The following ASB6 variants were observed in gnomAD, a reference collection of about 807,000 sequenced individuals.
ASB6 encodes ankyrin repeat and SOCS box containing 6.
ASB6 carries 24 observed loss-of-function variants against 28.6 expected under a neutral mutation model. That is an observed-to-expected ratio of 0.84 (90% CI 0.61 to 1.18). The LOEUF (loss-of-function observed/expected upper bound fraction) is 1.18, where lower values mean the gene tolerates loss of function less well. Ranked by LOEUF, ASB6 falls within the 50% of genes most tolerant of loss-of-function variation. The pLI is 0.00. For missense variants in ASB6, 519 were observed against 559.8 expected (o/e 0.93, Z 0.74); for synonymous variants, 267 against 243.4 (o/e 1.10, Z -0.90).
chr9:129,640,050 CAGAG>C (rs1291532408), intron 2 of ASB6, among the ~76,000 whole-genome samples: 1 of 152,176 alleles, frequency 6.6e-6, no homozygotes, highest in East Asian at 1.9e-4. Context: ...CTGAAAAACA[CAGAG>C]AAAGGAGCTC....
chr9:129,639,482 G>T lies in ASB6; in HGVS notation c.322C>A (p.His108Asn). The part of the protein sequence containing the change: ...EDPVTYYTAL[H>N]IAVLRNQPDM... Reference sequence around the variant, plus strand: ...GGCTGGTTCCGCAGGACGGCGATGTGCAAGGCCGTGTAGTAGGTGACTGGG... The same window carrying T: ...GGCTGGTTCCGCAGGACGGCGATGTTCAAGGCCGTGTAGTAGGTGACTGGG... The change falls in exon 3 of 6, where the codon CAC becomes AAC. Residue 108 changes from histidine (H) to asparagine (N), a missense_variant. Coordinates refer to ENST00000277458, the MANE Select transcript of ASB6 (RefSeq NM_017873.4). 6.2e-7 allele frequency: 1 copy of T among 1,613,614 alleles called. No homozygotes were observed. Among genetic ancestry groups the T allele is most frequent in the Non-Finnish European group, 8.5e-7 (1 of 1,179,688 alleles).
At position 129,635,002 on chromosome 9, in the gene ASB6, T is replaced by C. The variant is rs1831444957; in HGVS notation, c.*2788A>G. ...AGTCAAATTCTGGCTTAATGTGTCTTTAGGTAGATGACCTCTGAGCCACAG... is the reference window on the plus strand; with the variant it reads ...AGTCAAATTCTGGCTTAATGTGTCTCTAGGTAGATGACCTCTGAGCCACAG... On this transcript the variant is annotated 3_prime_UTR_variant, in exon 6 of 6. Coordinates refer to ENST00000277458, the MANE Select transcript of ASB6 (RefSeq NM_017873.4). The C allele has an allele frequency of 1.6e-6, 1 of 610,040 alleles. No homozygotes were observed. The highest frequency in any genetic ancestry group is 1.9e-5 in the African/African-American group (1 of 54,048). The allele number at this position is 610,040 out of a possible 1,614,324, so 37.8% of individuals were successfully genotyped here. A position where few individuals can be genotyped will look rare whatever the true frequency, so the allele number is the denominator to read the frequency against.
In ASB6 at chr9:129,642,054, C is replaced by T; in HGVS notation, c.-55G>A. ...GCGCTTTCTGCCGAGGCCGAGATGC[C>T]CAGACGCCGACCGGAACGCTCCGGC... On this transcript the variant is annotated 5_prime_UTR_variant, in exon 1 of 6. Coordinates refer to ENST00000277458, the MANE Select transcript of ASB6 (RefSeq NM_017873.4). This position sits in a 1 kb window ranked among gnomAD's most constrained non-coding sequence, Gnocchi z 4.3. 6.6e-7 allele frequency: 1 copy of T among 1,519,452 alleles called. No homozygotes were observed. Among genetic ancestry groups the T allele is most frequent in the Non-Finnish European group, 8.8e-7 (1 of 1,131,572 alleles). 94.1% of individuals were successfully genotyped at this position (1,519,452 alleles called of 1,614,324 possible).
chr9:129,635,053 A>G lies in ASB6; in HGVS notation c.*2737T>C. 2.4e-6 allele frequency: 2 copies of G among 828,190 alleles called. No homozygotes were observed. Among genetic ancestry groups the G allele is most frequent in the Non-Finnish European group, 3.8e-6 (2 of 529,290 alleles). 51.3% of individuals were successfully genotyped at this position (828,190 alleles called of 1,614,324 possible). On this transcript the variant is annotated 3_prime_UTR_variant, in exon 6 of 6. Transcript: ENST00000277458. ...TTTCCTATTCTATGAATTGGGGTTT[A>G]GTAAATCTCTCGGGACTGAGAGCCA...
In ASB6 at chr9:129,634,671, T is replaced by G. The variant is rs748587071; in HGVS notation, c.*3119A>C. The G allele has an allele frequency of 4.2e-6, 1 of 236,044 alleles. No individual in the cohort carries two copies. Among genetic ancestry groups the G allele is most frequent in the Non-Finnish European group, 8.3e-6 (1 of 120,944 alleles). 14.6% of individuals were successfully genotyped at this position (236,044 alleles called of 1,614,324 possible). ...AAGCTTCGTGTCTAGCCCTGCACCC[T>G]CTTAGCCTAACAGCACACCTCGAGC... On this transcript the variant is annotated 3_prime_UTR_variant, in exon 6 of 6. Coordinates refer to ENST00000277458, the MANE Select transcript of ASB6 (RefSeq NM_017873.4).
In ASB6 at chr9:129,634,830, G is replaced by T; in HGVS notation, c.*2960C>A. 1 of 261,386 alleles carries T rather than the reference G, an allele frequency of 3.8e-6. No homozygotes were observed. The allele number at this position is 261,386 out of a possible 1,614,324, so 16.2% of individuals were successfully genotyped here. On this transcript the variant is annotated 3_prime_UTR_variant, in exon 6 of 6. Transcript: ENST00000277458. ...TTTGTGGTCTCAGAAGCCTTTGTGG[G>T]GACTTCTAGTGTAGGGAAGGCAGTC... is the stretch of plus-strand genomic sequence containing the variant.
Position 129,635,941 on chromosome 9 carries a change from C to CT in ASB6, c.*1848dup, listed in dbSNP as rs1831526863. The CT allele has an allele frequency of 6.1e-6, 1 of 162,762 alleles. No homozygotes were observed. Among genetic ancestry groups the CT allele is most frequent in the Admixed American group, 6.2e-5 (1 of 16,258 alleles). The allele number at this position is 162,762 out of a possible 1,614,324, so 10.1% of individuals were successfully genotyped here. On this transcript the variant is annotated 3_prime_UTR_variant, in exon 6 of 6. Coordinates refer to ENST00000277458, the MANE Select transcript of ASB6 (RefSeq NM_017873.4). ...AGCCCATGGGTGCTGCCTGATGGTG[C>CT]TGTGGGGTGGGTGCTCATGTGCCAA...
Position 129,638,633 on chromosome 9 carries a change from C to G in ASB6, c.538G>C (p.Ala180Pro), listed in dbSNP as rs1204678494. The G allele has an allele frequency of 6.2e-7, 1 of 1,613,596 alleles. No individual in the cohort carries two copies. The highest frequency in any genetic ancestry group is 8.5e-7 in the Non-Finnish European group (1 of 1,179,776). ...HGKTALLHALASSDGVQIHNT... is the reference protein window; with the variant it reads ...HGKTALLHALPSSDGVQIHNT... ...TGGATCTGCACCCCGTCGCTGCTGG[C>G]CAGAGCATGGAGCAGAGCAGTTTTT... The change falls in exon 5 of 6, where the codon GCC (alanine) becomes CCC (proline). Residue 180 changes from alanine to proline, a missense_variant. Physicochemically the swap from Ala to Pro is conservative, Grantham distance 27. Coordinates refer to ENST00000277458, the MANE Select transcript of ASB6 (RefSeq NM_017873.4).
rs1187991473 is a variant in ASB6 at position 129,638,177 on chromosome 9, A to G, written c.879T>C (p.Gly293=). The change falls in exon 6 of 6, where the codon GGT becomes GGC. Residue 293 remains glycine, a synonymous_variant. Transcript: ENST00000277458. The part of the protein sequence containing the change: ...SGAAYNCSLH[G]ASCWSGFHII... ...TGTGAAAGCCAGACCAGCAGGACGC[A>G]CCGTGCAGGGAGCAGTTGTAGGCGG... 3 of 1,613,716 alleles carry G rather than the reference A, an allele frequency of 1.9e-6. No homozygotes were observed. The African/African-American group carries it at 4.0e-5, about 22-fold the overall frequency.
rs199700830 is a variant in ASB6 at position 129,636,689 on chromosome 9, GA to G, written c.*1100del. Reference sequence around the variant, plus strand: ...TCCAGCCTGGGTGACAGAGTGTCTCGAAAAAAAAAAATAATAAAATGGGACC... The same window carrying G: ...TCCAGCCTGGGTGACAGAGTGTCTCGAAAAAAAAAATAATAAAATGGGACC... On this transcript the variant is annotated 3_prime_UTR_variant, in exon 6 of 6. Transcript: ENST00000277458. The G allele has an allele frequency of 7.6e-4, 112 of 146,944 alleles. No individual in the cohort carries two copies. The highest frequency in any genetic ancestry group is 1.2e-3 in the Non-Finnish European group (77 of 66,448). The allele number at this position is 146,944 out of a possible 1,614,324, so 9.1% of individuals were successfully genotyped here. A position where few individuals can be genotyped will look rare whatever the true frequency, so the allele number is the denominator to read the frequency against.
chr9:129,635,263 C>G lies in ASB6; in HGVS notation c.*2527G>C, dbSNP rs143571854. ...TCCTGCGGCGCTGCAAGGGCAGCCT[C>G]CGCCCCAACGGCATCATCGTCATCA... On this transcript the variant is annotated 3_prime_UTR_variant, in exon 6 of 6. Transcript: ENST00000277458. 6.2e-7 allele frequency: 1 copy of G among 1,613,330 alleles called. No individual in the cohort carries two copies. Among genetic ancestry groups the G allele is most frequent in the Non-Finnish European group, 8.5e-7 (1 of 1,180,016 alleles).
intron 1 of ASB6, 150 bp from the exon 2 acceptor site, chr9:129,640,872 TAGAG>T (rs1831679637): frequency 1.1e-6 from 1 of 904,298 alleles, no homozygotes; most frequent in Non-Finnish European, 1.7e-6. Context: ...AGCTCTGAAG[TAGAG>T]AGAGGGCCAC....
rs2119004665 is a variant in ASB6 at position 129,636,959 on chromosome 9, C to T, written c.*831G>A. On this transcript the variant is annotated 3_prime_UTR_variant, in exon 6 of 6. Transcript: ENST00000277458. ...TCATTTAGTCACCTCAGCTTATCCC[C>T]AGAGGTGTTTACACAATTCCCAATG... 6.6e-6 allele frequency: 1 copy of T among 152,320 alleles called. No individual in the cohort carries two copies. Among genetic ancestry groups the T allele is most frequent in the South Asian group, 2.1e-4 (1 of 4,830 alleles). 9.4% of individuals were successfully genotyped at this position (152,320 alleles called of 1,614,324 possible). A position where few individuals can be genotyped will look rare whatever the true frequency, so the allele number is the denominator to read the frequency against.
In ASB6 at chr9:129,638,475, C is replaced by T. The variant is rs368549718; in HGVS notation, c.599-18G>A. 6.2e-7 allele frequency: 1 copy of T among 1,608,462 alleles called. No individual in the cohort carries two copies. The highest frequency in any genetic ancestry group is 8.5e-7 in the Non-Finnish European group (1 of 1,175,770). On this transcript the variant is annotated intron_variant, in intron 5 of 5. Coordinates refer to ENST00000277458, the MANE Select transcript of ASB6 (RefSeq NM_017873.4). The stretch of plus-strand genomic sequence containing the variant: ...GTCTGCCCCTAGAAGAGCCATAGAA[C>T]AAGAGATGCTGGGAGAAGGCCTTCA...
In ASB6 at chr9:129,638,631, G is replaced by A. The variant is rs1462974118; in HGVS notation, c.540C>T (p.Ala180=). The A allele has an allele frequency of 6.2e-7, 1 of 1,613,700 alleles. No homozygotes were observed. Among genetic ancestry groups the A allele is most frequent in the Non-Finnish European group, 8.5e-7 (1 of 1,179,814 alleles). ...HGKTALLHAL[A]SSDGVQIHNT... Reference sequence around the variant, plus strand: ...TGTGGATCTGCACCCCGTCGCTGCTGGCCAGAGCATGGAGCAGAGCAGTTT... The same window carrying A: ...TGTGGATCTGCACCCCGTCGCTGCTAGCCAGAGCATGGAGCAGAGCAGTTT... Residue 180 remains alanine, a synonymous_variant, in exon 5 of 6, where the codon GCC becomes GCT. Transcript: ENST00000277458.
Position 129,642,121 on chromosome 9 carries a change from C to T in ASB6, c.-122G>A. On this transcript the variant is annotated 5_prime_UTR_variant, in exon 1 of 6. Coordinates refer to ENST00000277458, the MANE Select transcript of ASB6 (RefSeq NM_017873.4). The surrounding 1 kb of genome is among the most constrained non-coding windows in gnomAD (Gnocchi z 4.3). ...TGCTCCGCCAGTCCAGCCCCTGCGC[C>T]CGGCCGGGTCCGCTCCTCAGTCCAA... 3.0e-6 allele frequency: 4 copies of T among 1,340,922 alleles called. No homozygotes were observed. The highest frequency in any genetic ancestry group is 3.8e-6 in the Non-Finnish European group (4 of 1,047,288). 83.1% of individuals were successfully genotyped at this position (1,340,922 alleles called of 1,614,324 possible).
Position 129,635,065 on chromosome 9 carries a change from G to A in ASB6, c.*2725C>T, listed in dbSNP as rs375493024. ...TGAATTGGGGTTTAGTAAATCTCTC[G>A]GGACTGAGAGCCAATGAGGCCATGT... On this transcript the variant is annotated 3_prime_UTR_variant, in exon 6 of 6. Transcript: ENST00000277458. The A allele has an allele frequency of 3.2e-4, 296 of 930,580 alleles. 4 individuals are homozygous for A. The African/African-American group carries it at 4.0e-3, about 13-fold the overall frequency. 57.6% of individuals were successfully genotyped at this position (930,580 alleles called of 1,614,324 possible). A position where few individuals can be genotyped will look rare whatever the true frequency, so the allele number is the denominator to read the frequency against.
At chr9:129,641,433 C>G (rs1044736436) in intron 1 of ASB6, among the ~76,000 whole-genome samples, 1 of 152,204 alleles carries the variant, frequency 6.6e-6, no homozygotes, top group African/African-American at 2.4e-5. Context: ...TGCCTAGTAC[C>G]ATGGGCAGTG....
In ASB6 at chr9:129,641,972, T is replaced by G; in HGVS notation, c.28A>C (p.Ile10Leu). ...ACCAGCGGCTGGTACTCGAAGATGA[T>G]CCTCCGGAAGCCGTGCAGGAACGGC... MPFLHGFRR[I>L]IFEYQPLVDA... is the part of the protein sequence containing the mutation. The change falls in exon 1 of 6, where the codon ATC (isoleucine) becomes CTC (leucine). Residue 10 changes from isoleucine (I) to leucine (L), a missense_variant. Physicochemically the swap from Ile to Leu is conservative, Grantham distance 5. Coordinates refer to ENST00000277458, the MANE Select transcript of ASB6 (RefSeq NM_017873.4). 1.2e-6 allele frequency: 2 copies of G among 1,603,672 alleles called. No individual in the cohort carries two copies. Among genetic ancestry groups the G allele is most frequent in the Non-Finnish European group, 1.7e-6 (2 of 1,176,222 alleles).
Sources: gnomAD v4.1 joint callset for allele counts (sites outside exome capture counted in the v4.1 genomes callset) on GRCh38, gnomAD v4.1.1 for gene constraint, Gnocchi (gnomAD v3.1) non-coding constraint, MANE v1.5 for transcripts, NCBI Gene and HGNC (gene_info 2026-07-23, HGNC 2026-07-21) for gene names.